The following ADGRL3 variants were observed in gnomAD, a reference collection of about 807,000 sequenced individuals.
ADGRL3 encodes the protein adhesion G protein-coupled receptor L3.
A neutral mutation model predicts 153.5 loss-of-function variants in ADGRL3; 62 were observed. The observed-to-expected ratio is 0.40, with a 90% CI of 0.33 to 0.50. ADGRL3 has a LOEUF of 0.50. Ranked by LOEUF, ADGRL3 falls within the 20% of genes least tolerant of loss-of-function variation. The pLI is 0.47. For synonymous variants in ADGRL3, 710 were observed against 672.5 expected (o/e 1.06, Z -0.86); for missense variants, 1,641 against 1,859.4 (o/e 0.88, Z 2.16).
chr4:61,603,151 G>C (rs1441430665), intron 5 of ADGRL3, among the ~76,000 whole-genome samples: 2 of 152,042 alleles, frequency 1.3e-5, no homozygotes, highest in African/African-American at 4.8e-5. Flanking sequence ...CATTTCAATA[G>C]ACCACATAAG....
chr4:61,534,779 G>C (rs780539055), intron 4 of ADGRL3, among the ~76,000 whole-genome samples: 23 of 152,148 alleles, frequency 1.5e-4, no homozygotes, highest in Non-Finnish European at 2.9e-4. Context: ...ACTGATTTTT[G>C]TGTATCAATT....
At chr4:61,999,397 A>C (rs955341904) in intron 21 of ADGRL3, among the ~76,000 whole-genome samples, 5 of 152,232 alleles carry the variant, frequency 3.3e-5, no homozygotes, top group Non-Finnish European at 7.3e-5. Flanking sequence ...GCAGTCCTTG[A>C]TATAACAAAA....
At chr4:61,865,435 T>C (rs1486960025) in intron 9 of ADGRL3, among the ~76,000 whole-genome samples, 2 of 152,160 alleles carry the variant, frequency 1.3e-5, no homozygotes, top group Non-Finnish European at 2.9e-5. Context: ...ACCAGCTAGA[T>C]TGTAAATAAG....
At chr4:61,562,470 C>T (rs115874894) in intron 4 of ADGRL3, among the ~76,000 whole-genome samples, 1,613 of 152,324 alleles carry the variant, frequency 0.011, 28 homozygotes, top group African/African-American at 0.037. Flanking sequence ...AGTCAGTCCT[C>T]TAAAACTCTG....
At chr4:61,763,126 ATT>A (rs199923839) in intron 8 of ADGRL3, among the ~76,000 whole-genome samples, 1 of 149,698 alleles carries the variant, frequency 6.7e-6, no homozygotes, top group African/African-American at 2.5e-5. Flanking sequence ...TTGCATAAAG[ATT>A]TTTTTTCTTT....
intron 6 of ADGRL3, among the ~76,000 whole-genome samples, chr4:61,692,065 T>C (rs2095549509): frequency 6.6e-6 from 1 of 152,172 alleles, no homozygotes; most frequent in Non-Finnish European, 1.5e-5. Context: ...GATTTTCTCT[T>C]CTTTGTCTTA....
At chr4:61,908,717 T>C (rs566589307) in intron 11 of ADGRL3, among the ~76,000 whole-genome samples, 13 of 152,322 alleles carry the variant, frequency 8.5e-5, no homozygotes, top group Non-Finnish European at 1.5e-5. Context: ...AAATGTGTTA[T>C]AATCCTGTTT....
At chr4:61,997,094 T>G (rs2099124264) in intron 20 of ADGRL3, among the ~76,000 whole-genome samples, 1 of 152,112 alleles carries the variant, frequency 6.6e-6, no homozygotes, top group Non-Finnish European at 1.5e-5. Flanking sequence ...ATCAGAAATT[T>G]TTCAGACTTT....
intron 1 of ADGRL3, among the ~76,000 whole-genome samples, chr4:61,275,263 A>T (rs533204842): frequency 1.3e-5 from 2 of 152,166 alleles, no homozygotes; most frequent in Non-Finnish European, 2.9e-5. Flanking sequence ...TTATAAGTTT[A>T]TCTGAGGGTA....
At chr4:61,308,675 G>T (rs1417555418) in intron 1 of ADGRL3, among the ~76,000 whole-genome samples, 1 of 152,124 alleles carries the variant, frequency 6.6e-6, no homozygotes, top group Admixed American at 6.5e-5. Context: ...AAAAATGGAG[G>T]CTGTTGAAAA....
At chr4:61,523,033 G>A (rs912949975) in intron 4 of ADGRL3, among the ~76,000 whole-genome samples, 2 of 147,172 alleles carry the variant, frequency 1.4e-5, no homozygotes, top group African/African-American at 2.5e-5. Context: ...TCCTGATTTT[G>A]AATTTGACTG....
chr4:62,021,420 CACTG>C (rs933121669), intron 21 of ADGRL3, among the ~76,000 whole-genome samples: 3 of 152,054 alleles, frequency 2.0e-5, no homozygotes, highest in African/African-American at 7.2e-5. Flanking sequence ...TGTTTTCAGT[CACTG>C]ACATAGTGTT....
intron 5 of ADGRL3, among the ~76,000 whole-genome samples, chr4:61,589,591 C>T (rs1007376607): frequency 2.0e-5 from 3 of 152,070 alleles, no homozygotes; most frequent in South Asian, 2.1e-4. Flanking sequence ...GCTTAAACTT[C>T]TAGAAAGAGA....
chr4:61,860,015 T>C (rs2098324433), intron 9 of ADGRL3, among the ~76,000 whole-genome samples: 1 of 152,194 alleles, frequency 6.6e-6, no homozygotes, highest in Non-Finnish European at 1.5e-5. Flanking sequence ...ATAAAAATCC[T>C]TATACTCACC....
intron 2 of ADGRL3, among the ~76,000 whole-genome samples, chr4:61,471,254 A>C (rs2097949484): frequency 6.6e-6 from 1 of 151,800 alleles, no homozygotes; most frequent in Non-Finnish European, 1.5e-5. Context: ...TAAAGCTTTA[A>C]GTGTTTTTTT....
chr4:61,772,855 G>A (rs1007291235), intron 8 of ADGRL3, among the ~76,000 whole-genome samples: 21 of 152,088 alleles, frequency 1.4e-4, no homozygotes, highest in African/African-American at 5.1e-4. Context: ...ATGGGGTAGT[G>A]TGTTCTCAAC....
chr4:62,031,043 A>G (rs1721744101), intron 22 of ADGRL3, among the ~76,000 whole-genome samples: 1 of 151,608 alleles, frequency 6.6e-6, no homozygotes, highest in East Asian at 1.9e-4. Context: ...ATGTATCAGA[A>G]GAAGCACTAA....
chr4:61,605,108 A>T (rs1388259575), intron 5 of ADGRL3, among the ~76,000 whole-genome samples: 3 of 150,118 alleles, frequency 2.0e-5, no homozygotes, highest in Admixed American at 2.0e-4. Flanking sequence ...AAAAAAAAAA[A>T]AAAAAAGAGA....
At position 61,311,745 on chromosome 4, in the gene ADGRL3, T is replaced by C. The variant is rs1002524612; in HGVS notation, c.-239-71379T>C. Among the ~76,000 whole-genome samples, 11 of 152,194 alleles carry C rather than the reference T, an allele frequency of 7.2e-5. No individual in the cohort carries two copies. The South Asian group carries it at 1.4e-3, about 20-fold the overall frequency. On this transcript the variant is annotated intron_variant, in intron 1 of 26. Transcript: ENST00000683033. ...TGGTATTGGTGAAAGAATAGTCAGA[T>C]TCTTATTGTCAAAAAAGCCATGCTT...
Sources: gnomAD v4.1 joint callset for allele counts (sites outside exome capture counted in the v4.1 genomes callset) on GRCh38, gnomAD v4.1.1 for gene constraint, MANE v1.5 for transcripts, NCBI Gene and HGNC (gene_info 2026-07-23, HGNC 2026-07-21) for gene names.